The following INTS6 variants were observed in gnomAD, a reference collection of about 807,000 sequenced individuals.
INTS6 encodes the protein integrator complex subunit 6, also known as DEAD box protein.
INTS6 carries 16 observed loss-of-function variants against 104.9 expected under a neutral mutation model. The ratio of observed to expected loss-of-function variants is 0.15; its 90% CI spans 0.10 to 0.23. INTS6 has a LOEUF of 0.23. Among genes scored for constraint, INTS6 ranks in the 10% least tolerant of loss-of-function variants. The probability of loss-of-function intolerance (pLI) is 1.00; values close to 1 mark genes in which losing one functional copy is unlikely to be tolerated. For missense variants in INTS6, 584 were observed against 1,062.8 expected, an observed-to-expected ratio of 0.55 and a Z score of 6.26; for synonymous variants, 324 against 358.7, an observed-to-expected ratio of 0.90 and a Z score of 1.09.
At position 51,376,179 on chromosome 13, in the gene INTS6, T is replaced by A. The variant is rs540313509; in HGVS notation, c.1603-5A>T. 28 of 1,595,754 alleles carry A rather than the reference T, an allele frequency of 1.8e-5. No homozygotes were observed. The African/African-American group carries it at 3.2e-4, about 18-fold the overall frequency. On this transcript the variant is annotated splice_region_variant and splice_polypyrimidine_tract_variant and intron_variant, in intron 12 of 17. Transcript: ENST00000311234. ...AAATGTCTGTGGCTTCAAATCCTATTAAACAACATTCGAGGACAAAATTTA... is the reference window on the plus strand; with the variant it reads ...AAATGTCTGTGGCTTCAAATCCTATAAAACAACATTCGAGGACAAAATTTA...
chr13:51,391,344 C>T (rs1172634560), intron 5 of INTS6, among the ~76,000 whole-genome samples: 1 of 151,920 alleles, frequency 6.6e-6, no homozygotes, highest in Non-Finnish European at 1.5e-5. Flanking sequence ...AAAACATAAG[C>T]AAATCAATCT....
At chr13:51,451,897 G>T in intron 2 of INTS6, 81 bp downstream of exon 2, 1 of 976,444 alleles carries the variant, frequency 1.0e-6, no homozygotes, top group African/African-American at 1.6e-5. Context: ...CATAATGAAG[G>T]GTGAATGGGG....
intron 4 of INTS6, among the ~76,000 whole-genome samples, chr13:51,406,124 T>C (rs1440688042): frequency 6.6e-6 from 1 of 152,126 alleles, no homozygotes; most frequent in Non-Finnish European, 1.5e-5. Context: ...AATACCTAAC[T>C]AGTAAGTGCT....
chr13:51,452,636 C>G lies in INTS6; in HGVS notation c.-111G>C. On this transcript the variant is annotated 5_prime_UTR_variant, in exon 1 of 18. Transcript: ENST00000311234. The surrounding 1 kb of genome is among the most constrained non-coding windows in gnomAD (Gnocchi z 4.2). Reference sequence around the variant, plus strand: ...TACGCGGGGCGGGGGAGCACGGCCCCCGGGAGGAAAACACTGTCTGGGTCT... The same window carrying G: ...TACGCGGGGCGGGGGAGCACGGCCCGCGGGAGGAAAACACTGTCTGGGTCT... The G allele has an allele frequency of 6.6e-7, 1 of 1,510,038 alleles. No individual in the cohort carries two copies. Among genetic ancestry groups the G allele is most frequent in the South Asian group, 1.2e-5 (1 of 85,292 alleles). 93.5% of individuals were successfully genotyped at this position (1,510,038 alleles called of 1,614,324 possible).
At chr13:51,408,865 A>C (rs1956628053) in intron 4 of INTS6, among the ~76,000 whole-genome samples, 1 of 152,156 alleles carries the variant, frequency 6.6e-6, no homozygotes, top group Non-Finnish European at 1.5e-5. Flanking sequence ...CTATAACTTA[A>C]ATTCTAAGGT....
intron 10 of INTS6, among the ~76,000 whole-genome samples, chr13:51,381,117 C>T (rs1956042181): frequency 6.6e-6 from 1 of 151,990 alleles, no homozygotes; most frequent in Non-Finnish European, 1.5e-5. Flanking sequence ...ATTAAGTAAC[C>T]TAGAAATGGT....
At chr13:51,341,379 A>G in the INTS6 span, 3 of 1,547,646 alleles carry the variant, frequency 1.9e-6, no homozygotes, top group South Asian at 3.6e-5. Flanking sequence ...ACACTCACTT[A>G]CCCTCCTGTT....
intron 4 of INTS6, among the ~76,000 whole-genome samples, chr13:51,399,228 A>G (rs8000433): frequency 0.011 from 1,728 of 152,090 alleles, 26 homozygotes; most frequent in East Asian, 0.071. Context: ...TTTTTTAGAG[A>G]CAAGCTCTTG....
At chr13:51,387,316 C>A in intron 7 of INTS6, 70 bp downstream of exon 7, 1 of 1,374,398 alleles carries the variant, frequency 7.3e-7, no homozygotes, top group Non-Finnish European at 9.8e-7. Context: ...GCTTTGACAA[C>A]AGAATTTGAA....
At chr13:51,440,774 A>T (rs1284750708) in intron 3 of INTS6, 1 of 152,194 alleles carries the variant, frequency 6.6e-6, no homozygotes, top group Non-Finnish European at 1.5e-5. Flanking sequence ...GCCTAGGGGT[A>T]TAGTCATCTA....
chr13:51,429,498 G>C (rs1957044942), intron 4 of INTS6, among the ~76,000 whole-genome samples: 1 of 151,962 alleles, frequency 6.6e-6, no homozygotes, highest in African/African-American at 2.4e-5. Flanking sequence ...GGGTGCAGTG[G>C]CTCACACCTG....
At chr13:51,450,809 C>G in intron 3 of INTS6, 1 of 1,178,612 alleles carries the variant, frequency 8.5e-7, no homozygotes. Context: ...GTTTCAGATT[C>G]TAATCCTGAA....
At chr13:51,432,803 C>T in intron 3 of INTS6, among the ~76,000 whole-genome samples, 1 of 152,160 alleles carries the variant, frequency 6.6e-6, no homozygotes, top group South Asian at 2.1e-4. Flanking sequence ...TTCAGCCATC[C>T]ACTATCTACT....
At chr13:51,338,194 G>T in the INTS6 span, among the ~76,000 whole-genome samples, 1 of 152,080 alleles carries the variant, frequency 6.6e-6, no homozygotes, top group Non-Finnish European at 1.5e-5. Flanking sequence ...TGCTACCACT[G>T]GCAAATAGTG....
intron 4 of INTS6, among the ~76,000 whole-genome samples, chr13:51,415,644 T>C (rs1956774964): frequency 7.6e-6 from 1 of 131,934 alleles, no homozygotes; most frequent in Non-Finnish European, 1.6e-5. Flanking sequence ...GAACTTTAAG[T>C]CCATTAAACC....
At chr13:51,385,204 C>T (rs895933426) in intron 7 of INTS6, 10 of 153,528 alleles carry the variant, frequency 6.5e-5, no homozygotes, top group African/African-American at 2.2e-4. Flanking sequence ...GACCTCTTCC[C>T]TCATACCCCT....
chr13:51,389,634 AC>A (rs1162516381), intron 5 of INTS6, among the ~76,000 whole-genome samples, 190 bp from the exon 6 acceptor site: 3 of 152,196 alleles, frequency 2.0e-5, no homozygotes, highest in Non-Finnish European at 4.4e-5. Context: ...ATTATTTCCA[AC>A]CAACCAACAA....
At chr13:51,335,233 G>A in the INTS6 span, among the ~76,000 whole-genome samples, 1 of 151,970 alleles carries the variant, frequency 6.6e-6, no homozygotes, top group African/African-American at 2.4e-5. Context: ...TGGCCAAAAG[G>A]GGAGAAAATA....
rs938625198 is a variant in INTS6 at position 51,361,631 on chromosome 13, T to C, written c.*4121A>G. 1.6e-6 allele frequency: 1 copy of C among 609,818 alleles called. No homozygotes were observed. The highest frequency in any genetic ancestry group is 2.8e-6 in the Non-Finnish European group (1 of 355,670). The allele number at this position is 609,818 out of a possible 1,614,324, so 37.8% of individuals were successfully genotyped here. On this transcript the variant is annotated 3_prime_UTR_variant, in exon 18 of 18. Coordinates refer to ENST00000311234, the MANE Select transcript of INTS6 (RefSeq NM_012141.3). The stretch of plus-strand genomic sequence containing the variant: ...AATGTGTTGAAAACAGGAGACAGGA[T>C]TGGCTAAATGGCATCTTTTCTCTTT...
Sources: allele counts gnomAD v4.1 joint callset (sites outside exome capture counted in the v4.1 genomes callset), GRCh38; gene constraint gnomAD v4.1.1; non-coding constraint Gnocchi (gnomAD v3.1); transcripts MANE v1.5; gene names NCBI Gene and HGNC (gene_info 2026-07-23, HGNC 2026-07-21).